Variants in ATAD5 observed in about 807,000 individuals in gnomAD.
ATAD5 encodes ATPase family AAA domain-containing protein 5.
In ATAD5, 58 loss-of-function variants were observed where a neutral mutation model predicts 176.9. That is an observed-to-expected ratio of 0.33 (90% CI 0.27 to 0.41). The LOEUF (loss-of-function observed/expected upper bound fraction) is 0.41. ATAD5 is among the 10% of genes least tolerant of loss of function. The pLI is 1.00. For synonymous variants in ATAD5, 640 were observed against 712.6 expected (o/e 0.90, Z 1.62); for missense variants, 1,789 against 2,094.1 (o/e 0.85, Z 2.84).
Position 30,860,564 on chromosome 17 carries a change from C to T in ATAD5, c.3088C>T (p.Leu1030Phe), listed in dbSNP as rs35910070. Reference protein sequence around the residue: ...LEKTNRKSEELSKRNNSSGIK... With the variant: ...LEKTNRKSEEFSKRNNSSGIK... ...GAAGACCAATAGGAAGTCAGAAGAA[C>T]TTAGCAAAAGAAACAACTCTTCTGG... is the stretch of plus-strand genomic sequence containing the variant. The change falls in exon 10 of 23, where the codon CTT becomes TTT. Residue 1030 changes from leucine to phenylalanine, a missense_variant. Leu to Phe is a conservative substitution (Grantham distance 22). Around this residue, in one of 6 missense-constraint regions of ATAD5, gnomAD observed 487 missense variants for 573.6 expected, o/e 0.85. Coordinates refer to ENST00000321990, the MANE Select transcript of ATAD5 (RefSeq NM_024857.5). 1.1e-3 allele frequency: 1,817 copies of T among 1,586,154 alleles called. 20 individuals are homozygous for T. In the African/African-American group the frequency reaches 0.022, roughly 19 times the overall value.
intron 18 of ATAD5, among the ~76,000 whole-genome samples, chr17:30,884,928 T>C (rs1385333031): frequency 6.6e-6 from 1 of 151,832 alleles, no homozygotes; most frequent in Non-Finnish European, 1.5e-5. Flanking sequence ...TTTGTATTTT[T>C]AGTAGAGACG....
At chr17:30,862,349 G>A (rs920962158) in intron 10 of ATAD5, among the ~76,000 whole-genome samples, 2 of 151,446 alleles carry the variant, frequency 1.3e-5, no homozygotes, top group Non-Finnish European at 2.9e-5. Flanking sequence ...CAAAAAAAAA[G>A]GTAACAAAGT....
At position 30,895,008 on chromosome 17, in the gene ATAD5, G is replaced by T; in HGVS notation, c.*95G>T. The T allele has an allele frequency of 2.6e-6, 2 of 759,732 alleles. No homozygotes were observed. Among genetic ancestry groups the T allele is most frequent in the Non-Finnish European group, 1.9e-6 (1 of 515,174 alleles). 47.1% of individuals were successfully genotyped at this position (759,732 alleles called of 1,614,324 possible). ...ATCTTCATGGAAAAGTATATTTCTC[G>T]ATGTACATTTTAAACAAACAATTTG... On this transcript the variant is annotated 3_prime_UTR_variant, in exon 23 of 23. Coordinates refer to ENST00000321990, the MANE Select transcript of ATAD5 (RefSeq NM_024857.5).
At chr17:30,840,195 TAAAAAAAAAAAA>T (rs55696194) in intron 3 of ATAD5, among the ~76,000 whole-genome samples, 6 of 106,076 alleles carry the variant, frequency 5.7e-5, no homozygotes, top group African/African-American at 1.4e-4. Flanking sequence ...TAGACTCTGT[TAAAAAAAAAAAA>T]AAAAAAAAAA....
intron 19 of ATAD5, 34 bp downstream of exon 19, chr17:30,887,406 A>T (rs754418662): frequency 6.5e-7 from 1 of 1,543,268 alleles, no homozygotes; most frequent in Non-Finnish European, 8.8e-7. Context: ...AATTTCTATT[A>T]TGGGACCCTA....
At chr17:30,847,716 CATTTTT>C (rs768301677) in intron 6 of ATAD5, among the ~76,000 whole-genome samples, 1 of 139,316 alleles carries the variant, frequency 7.2e-6, no homozygotes, top group Non-Finnish European at 1.6e-5. Flanking sequence ...CTGCTATGAA[CATTTTT>C]TTTTTTTTTT....
At chr17:30,849,930 G>C (rs1159532275) in intron 6 of ATAD5, among the ~76,000 whole-genome samples, 1 of 152,076 alleles carries the variant, frequency 6.6e-6, no homozygotes, top group Non-Finnish European at 1.5e-5. Context: ...ATTGGTATAA[G>C]AACAGAAAAA....
chr17:30,833,849 T>G (rs933220843), intron 1 of ATAD5, among the ~76,000 whole-genome samples: 2 of 152,080 alleles, frequency 1.3e-5, no homozygotes, highest in African/African-American at 4.8e-5. Context: ...CTCAGCTAAT[T>G]TTTTGTATTT....
At position 30,834,177 on chromosome 17, in the gene ATAD5, C is replaced by T. The variant is rs1249351698; in HGVS notation, c.96C>T (p.Asp32=). The change falls in exon 2 of 23, where the codon GAC becomes GAT. Residue 32 remains aspartate, a synonymous_variant. Transcript: ENST00000321990. The part of the protein sequence containing the change: ...EPCKKRKKDD[D]TSTCKTITKY... Reference sequence around the variant, plus strand: ...GCAAAAAGCGAAAGAAAGATGATGACACATCTACCTGCAAAACAATTACAA... The same window carrying T: ...GCAAAAAGCGAAAGAAAGATGATGATACATCTACCTGCAAAACAATTACAA... 6.3e-7 allele frequency: 1 copy of T among 1,575,230 alleles called. No homozygotes were observed. The highest frequency in any genetic ancestry group is 8.6e-7 in the Non-Finnish European group (1 of 1,165,830).
At chr17:30,839,678 C>G (rs1467759580) in intron 3 of ATAD5, among the ~76,000 whole-genome samples, 1 of 16 alleles carries the variant, frequency 0.062, no homozygotes, top group Non-Finnish European at 0.1. Flanking sequence ...TTCCTGGGTT[C>G]AAGCGGATTC....
chr17:30,871,199 T>A (rs1216004389), intron 14 of ATAD5, among the ~76,000 whole-genome samples: 1 of 149,148 alleles, frequency 6.7e-6, no homozygotes, highest in Non-Finnish European at 1.5e-5. Context: ...AAGTATAGTT[T>A]TCATTTCTAG....
chr17:30,862,265 C>T (rs542068975), intron 10 of ATAD5, among the ~76,000 whole-genome samples: 4 of 149,946 alleles, frequency 2.7e-5, no homozygotes, highest in African/African-American at 7.3e-5. Context: ...ACCTGGGAGG[C>T]GGAGGCTGCA....
chr17:30,859,435 G>T (rs554266451), intron 9 of ATAD5, among the ~76,000 whole-genome samples: 2 of 151,960 alleles, frequency 1.3e-5, no homozygotes, highest in Admixed American at 6.6e-5. Context: ...TCTCAGCTCA[G>T]TGCAACCTCT....
intron 6 of ATAD5, among the ~76,000 whole-genome samples, chr17:30,849,996 C>T (rs1346595562): frequency 6.6e-6 from 1 of 152,042 alleles, no homozygotes; most frequent in Admixed American, 6.6e-5. Flanking sequence ...AAACAACTAG[C>T]CAGGCATGGT....
intron 18 of ATAD5, among the ~76,000 whole-genome samples, chr17:30,886,871 T>C (rs1292192450): frequency 6.6e-6 from 1 of 152,206 alleles, no homozygotes; most frequent in East Asian, 1.9e-4. Flanking sequence ...AGATATTCTA[T>C]CAAGCTATAC....
chr17:30,843,873 A>G, intron 4 of ATAD5, 40 bp from the exon 5 acceptor site: 1 of 1,138,118 alleles, frequency 8.8e-7, no homozygotes, highest in Non-Finnish European at 1.2e-6. Flanking sequence ...GATATTAATT[A>G]TATGATTTAA....
intron 14 of ATAD5, 195 bp downstream of exon 14, chr17:30,869,841 A>C (rs1325147152): frequency 1.7e-6 from 1 of 585,862 alleles, no homozygotes; most frequent in African/African-American, 1.9e-5. Context: ...TTCAATATTT[A>C]TCTCTATCTG....
chr17:30,885,389 C>G (rs1909256301), intron 18 of ATAD5, among the ~76,000 whole-genome samples: 1 of 152,086 alleles, frequency 6.6e-6, no homozygotes, highest in South Asian at 2.1e-4. Context: ...TATCTGCGAA[C>G]AGAGATAGTT....
intron 19 of ATAD5, 79 bp from the exon 20 acceptor site, chr17:30,892,528 G>A (rs1240679519): frequency 3.9e-6 from 4 of 1,018,754 alleles, no homozygotes; most frequent in Non-Finnish European, 5.4e-6. Context: ...AGATGTCAAA[G>A]GATCTCAGGC....
Sources: gnomAD v4.1 joint callset for allele counts (sites outside exome capture counted in the v4.1 genomes callset) on GRCh38, gnomAD v4.1.1 for gene constraint, gnomAD v4.1.1 regional missense constraint, MANE v1.5 for transcripts, NCBI Gene and HGNC (gene_info 2026-07-23, HGNC 2026-07-21) for gene names.